EPHA8: variants seen among roughly 807,000 people sequenced by gnomAD.
EPHA8 encodes ephrin type-A receptor 8.
EPHA8 carries 58 observed loss-of-function variants against 103.6 expected under a neutral mutation model. The ratio of observed to expected loss-of-function variants is 0.56; its 90% confidence interval spans 0.45 to 0.70. The LOEUF (loss-of-function observed/expected upper bound fraction) is 0.70, where lower values mean the gene tolerates loss of function less well. EPHA8 is among the 30% of genes least tolerant of loss of function. The probability of loss-of-function intolerance (pLI) is 0.00; values close to 1 mark genes in which losing one functional copy is unlikely to be tolerated. For missense variants in EPHA8, 1,304 were observed against 1,395.2 expected (o/e 0.93, Z 1.04); for synonymous variants, 559 against 572.5 (o/e 0.98, Z 0.34).
intron 1 of EPHA8, among the ~76,000 whole-genome samples, chr1:22,565,550 G>A (rs1236460634): frequency 2.6e-5 from 4 of 152,170 alleles, no homozygotes; most frequent in East Asian, 1.9e-4. Flanking sequence ...CCCCTCCATC[G>A]AGGCGCTGGG....
At chr1:22,579,185 G>T (rs55881665) in intron 3 of EPHA8, among the ~76,000 whole-genome samples, 11,569 of 151,376 alleles carry the variant, frequency 0.076, 466 homozygotes, top group South Asian at 0.18. Flanking sequence ...GCATGTGTGC[G>T]TGAATATATG....
chr1:22,601,359 G>T lies in EPHA8; in HGVS notation c.2789G>T (p.Gly930Val). The change falls in exon 16 of 17, where the codon GGT becomes GTT. Residue 930 changes from glycine to valine, a missense_variant. Coordinates refer to ENST00000166244, the MANE Select transcript of EPHA8 (RefSeq NM_020526.5). ...CFDLRGGSGG[G>V]GGLTVGDWLD... ...GACCTCCGAGGGGGCAGCGGTGGCG[G>T]TGGGGGCCTCACCGTGGGGGACTGG... 1 of 1,609,290 alleles carries T rather than the reference G, an allele frequency of 6.2e-7. No homozygotes were observed. The highest frequency in any genetic ancestry group is 1.1e-5 in the South Asian group (1 of 90,680).
chr1:22,576,568 C>G lies in EPHA8; in HGVS notation c.511C>G (p.Arg171Gly), dbSNP rs768851018. Reference sequence around the variant, plus strand: ...GCGTCTCAAGCTCAACACGGAGGTGCGCAGTGTGGGTCCCCTCAGCAAGCG... The same window carrying G: ...GCGTCTCAAGCTCAACACGGAGGTGGGCAGTGTGGGTCCCCTCAGCAAGCG... ...VRRLKLNTEV[R>G]SVGPLSKRGF... Residue 171 changes from arginine to glycine, a missense_variant, in exon 3 of 17, where the codon CGC becomes GGC. Transcript: ENST00000166244. This position sits in a 1 kb window ranked among gnomAD's most constrained non-coding sequence, Gnocchi z 4.8. 1.1e-5 allele frequency: 18 copies of G among 1,614,022 alleles called. No homozygotes were observed. In the African/African-American group the frequency reaches 1.3e-4, roughly 12 times the overall value.
rs755480365 is a variant in EPHA8, at chr1:22,576,205, C to T, written c.160-12C>T. ...GGCTCTGCTGTAGTGGCTGTGTTCTCTCTGCCCACAGTGGGACTCCATCAA... is the reference window on the plus strand; with the variant it reads ...GGCTCTGCTGTAGTGGCTGTGTTCTTTCTGCCCACAGTGGGACTCCATCAA... On this transcript the variant is annotated splice_polypyrimidine_tract_variant and intron_variant, in intron 2 of 16. Coordinates refer to ENST00000166244, the MANE Select transcript of EPHA8 (RefSeq NM_020526.5). The surrounding 1 kb of genome is among the most constrained non-coding windows in gnomAD (Gnocchi z 4.8). 3 of 1,596,158 alleles carry T rather than the reference C, an allele frequency of 1.9e-6. No homozygotes were observed. The highest frequency in any genetic ancestry group is 2.3e-5 in the South Asian group (2 of 88,416).
rs752445102 is a variant in EPHA8, at chr1:22,597,343, C to T, written c.1797C>T (p.His599=). ...CACCTGTCTTCCTGCCTCTGCATCACCCCCCGGGAAAGCTCCCAGAGCCCC... is the reference window on the plus strand; with the variant it reads ...CACCTGTCTTCCTGCCTCTGCATCATCCCCCGGGAAAGCTCCCAGAGCCCC... ...APPPVFLPLH[H]PPGKLPEPQF... The change falls in exon 10 of 17, where the codon CAC becomes CAT. Residue 599 remains histidine, a synonymous_variant. Coordinates refer to ENST00000166244, the MANE Select transcript of EPHA8 (RefSeq NM_020526.5). The surrounding 1 kb of genome is among the most constrained non-coding windows in gnomAD (Gnocchi z 4.6). 3 of 1,608,764 alleles carry T rather than the reference C, an allele frequency of 1.9e-6. No homozygotes were observed. Among genetic ancestry groups the T allele is most frequent in the Middle Eastern group, 1.7e-4 (1 of 6,046 alleles).
intron 4 of EPHA8, 110 bp downstream of exon 4, chr1:22,586,745 C>A: frequency 1.6e-6 from 2 of 1,269,822 alleles, no homozygotes; most frequent in Non-Finnish European, 1.1e-6. Context: ...GGGGCAGGGG[C>A]GGGTGGCTCT....
intron 13 of EPHA8, among the ~76,000 whole-genome samples, chr1:22,599,339 C>T (rs1641613738): frequency 6.6e-6 from 1 of 152,164 alleles, no homozygotes; most frequent in African/African-American, 2.4e-5. Flanking sequence ...CCGAATTGTA[C>T]CCAGACTCCA....
chr1:22,595,223 C>A lies in EPHA8; in HGVS notation c.1604-7C>A, dbSNP rs1176957421. ...CCTGGTCCCCCAACCCTGGCTTTCCCCTGCAGGGCCCCGCTATGACACCAG... is the reference window on the plus strand; with the variant it reads ...CCTGGTCCCCCAACCCTGGCTTTCCACTGCAGGGCCCCGCTATGACACCAG... On this transcript the variant is annotated splice_polypyrimidine_tract_variant and splice_region_variant and intron_variant, in intron 7 of 16. Transcript: ENST00000166244. 1.1e-5 allele frequency: 18 copies of A among 1,604,972 alleles called. No homozygotes were observed. Among genetic ancestry groups the A allele is most frequent in the Non-Finnish European group, 1.5e-5 (18 of 1,173,520 alleles).
intron 1 of EPHA8, among the ~76,000 whole-genome samples, chr1:22,565,646 C>T (rs1306059243): frequency 1.3e-5 from 2 of 152,198 alleles, no homozygotes; most frequent in Non-Finnish European, 2.9e-5. Context: ...GGCTGGTAGC[C>T]CCAGAGCCCC....
intron 13 of EPHA8, among the ~76,000 whole-genome samples, chr1:22,600,087 G>C (rs1254168571): frequency 8.0e-6 from 1 of 124,646 alleles, no homozygotes; most frequent in Non-Finnish European, 1.7e-5. Flanking sequence ...AAGGAAGGGA[G>C]GGAGGGAGGA....
Position 22,589,319 on chromosome 1 carries a change from G to T in EPHA8, c.1315+113G>T. On this transcript the variant is annotated intron_variant, in intron 5 of 16. Coordinates refer to ENST00000166244, the MANE Select transcript of EPHA8 (RefSeq NM_020526.5). The surrounding 1 kb of genome is among the most constrained non-coding windows in gnomAD (Gnocchi z 4.3). ...ACGTGCTGTGGGCCTTTAGGCAAGT[G>T]CCTCTCTGGCCCTGCGCTCCTCACC... 1 of 1,610,290 alleles carries T rather than the reference G, an allele frequency of 6.2e-7. No homozygotes were observed.
chr1:22,583,452 C>T (rs115140062), intron 3 of EPHA8, among the ~76,000 whole-genome samples: 67 of 152,246 alleles, frequency 4.4e-4, no homozygotes, highest in Admixed American at 1.8e-3. Context: ...GCTGGGAGGA[C>T]GGGGGGAAAG....
Position 22,567,459 on chromosome 1 carries a change from G to A in EPHA8, c.95-1830G>A, listed in dbSNP as rs939396715. 3.3e-5 allele frequency among the ~76,000 whole-genome samples: 5 copies of A among 152,138 alleles called. No homozygotes were observed. The highest frequency in any genetic ancestry group is 4.8e-5 in the African/African-American group (2 of 41,424). ...CTGCCTCTGCCCCTGGCGTGGGGCC[G>A]GCTTGGGGAGGGGGAGGTCCCTCTG... is the stretch of plus-strand genomic sequence containing the variant. On this transcript the variant is annotated intron_variant, in intron 1 of 16. Transcript: ENST00000166244. The surrounding 1 kb of genome is among the most constrained non-coding windows in gnomAD (Gnocchi z 4.2).
intron 8 of EPHA8, 30 bp from the exon 9 acceptor site, chr1:22,596,076 C>T: frequency 3.1e-6 from 5 of 1,611,050 alleles, no homozygotes; most frequent in Non-Finnish European, 4.2e-6. Flanking sequence ...GGTGGCCTGG[C>T]CTCAGGCAGG....
At chr1:22,582,731 G>A (rs1641079471) in intron 3 of EPHA8, among the ~76,000 whole-genome samples, 1 of 152,130 alleles carries the variant, frequency 6.6e-6, no homozygotes, top group Admixed American at 6.5e-5. Flanking sequence ...ACACCAGACT[G>A]CACTTCCCAG....
At chr1:22,573,619 G>C (rs189440212) in intron 2 of EPHA8, among the ~76,000 whole-genome samples, 1 of 152,108 alleles carries the variant, frequency 6.6e-6, no homozygotes, top group African/African-American at 2.4e-5. Context: ...TGTTGCATGC[G>C]TGGAGGAACC....
Position 22,597,455 on chromosome 1 carries a change from A to G in EPHA8, c.1909A>G (p.Ile637Val), listed in dbSNP as rs1184750288. 3.1e-6 allele frequency: 5 copies of G among 1,613,196 alleles called. No individual in the cohort carries two copies. The African/African-American group carries it at 5.3e-5, about 17-fold the overall frequency. Residue 637 changes from isoleucine (I) to valine (V), a missense_variant, in exon 10 of 17, where the codon ATC becomes GTC. Transcript: ENST00000166244. The surrounding 1 kb of genome is among the most constrained non-coding windows in gnomAD (Gnocchi z 4.6). The part of the protein sequence containing the change: ...TREIEASRIH[I>V]EKIIGSGDSG... Reference sequence around the variant, plus strand: ...GGAGATCGAGGCCTCTAGGATCCACATCGAGAAAATCATCGGCTCTGGTGA... The same window carrying G: ...GGAGATCGAGGCCTCTAGGATCCACGTCGAGAAAATCATCGGCTCTGGTGA...
Position 22,598,037 on chromosome 1 carries a change from C to A in EPHA8, c.2117-114C>A. ...GGACCCCAGTGGAAACCCAAGGCAC[C>A]CTGGGGTTTCCAGTGCTGGCACAGG... is the stretch of plus-strand genomic sequence containing the variant. On this transcript the variant is annotated intron_variant, in intron 11 of 16. Coordinates refer to ENST00000166244, the MANE Select transcript of EPHA8 (RefSeq NM_020526.5). The surrounding 1 kb of genome is among the most constrained non-coding windows in gnomAD (Gnocchi z 5.1). 7.0e-7 allele frequency: 1 copy of A among 1,429,760 alleles called. No individual in the cohort carries two copies. The highest frequency in any genetic ancestry group is 9.8e-7 in the Non-Finnish European group (1 of 1,025,534). The allele number at this position is 1,429,760 out of a possible 1,614,324, so 88.6% of individuals were successfully genotyped here.
In EPHA8 at chr1:22,593,426, G is replaced by A; in HGVS notation, c.1416G>A (p.Glu472=). ...EPEQPNGIIL[E]YEIKYYEKDK... ...AGCAGCCGAACGGCATCATCCTGGA[G>A]TATGAGATCAAGTACTACGAGAAGG... Residue 472 remains glutamate, a synonymous_variant, in exon 6 of 17, where the codon GAG becomes GAA. Transcript: ENST00000166244. The A allele has an allele frequency of 6.2e-7, 1 of 1,608,914 alleles. No homozygotes were observed. Among genetic ancestry groups the A allele is most frequent in the Non-Finnish European group, 8.5e-7 (1 of 1,178,306 alleles).
Sources: allele counts gnomAD v4.1 joint callset (sites outside exome capture counted in the v4.1 genomes callset), GRCh38; gene constraint gnomAD v4.1.1; non-coding constraint Gnocchi (gnomAD v3.1); transcripts MANE v1.5; gene names NCBI Gene and HGNC (gene_info 2026-07-23, HGNC 2026-07-21).